Variants in SPRED2 observed in about 807,000 individuals in gnomAD.
SPRED2 encodes the protein sprouty related EVH1 domain containing 2.
A neutral mutation model predicts 43.0 loss-of-function variants in SPRED2; 47 were observed. That is an observed-to-expected ratio of 1.09 (90% CI 0.87 to 1.40). SPRED2 has a LOEUF of 1.40. Ranked by LOEUF, SPRED2 falls within the 40% of genes most tolerant of loss-of-function variation. The probability of loss-of-function intolerance (pLI) is 0.00; values close to 1 mark genes in which losing one functional copy is unlikely to be tolerated. For synonymous variants in SPRED2, 225 were observed against 225.7 expected, an observed-to-expected ratio of 1.00 and a Z score of 0.03; for missense variants, 561 against 586.4, an observed-to-expected ratio of 0.96 and a Z score of 0.45.
chr2:65,331,460 C>G (rs755154618), intron 4 of SPRED2, among the ~76,000 whole-genome samples: 2 of 152,174 alleles, frequency 1.3e-5, no homozygotes, highest in African/African-American at 2.4e-5. Flanking sequence ...AAACCCTTTC[C>G]TGCGTTAGCA....
intron 4 of SPRED2, among the ~76,000 whole-genome samples, chr2:65,323,989 G>A (rs956296183): frequency 5.9e-5 from 9 of 151,764 alleles, no homozygotes; most frequent in African/African-American, 2.2e-4. Flanking sequence ...CACGTGGCAC[G>A]GGAAGAGGCA....
At chr2:65,374,473 C>T (rs1267106281) in intron 1 of SPRED2, among the ~76,000 whole-genome samples, 1 of 152,224 alleles carries the variant, frequency 6.6e-6, no homozygotes, top group Non-Finnish European at 1.5e-5. Flanking sequence ...ATTCTAAACT[C>T]ATTGTTCCTT....
chr2:65,407,678 G>C (rs1185239907), intron 1 of SPRED2, among the ~76,000 whole-genome samples: 1 of 152,084 alleles, frequency 6.6e-6, no homozygotes. Flanking sequence ...TCCTCAGCTG[G>C]ATCACTTGTC....
At chr2:65,351,984 T>G (rs924582537) in intron 1 of SPRED2, among the ~76,000 whole-genome samples, 1 of 152,242 alleles carries the variant, frequency 6.6e-6, no homozygotes, top group Non-Finnish European at 1.5e-5. Flanking sequence ...CATGATTTTC[T>G]GCTCTGTACA....
intron 5 of SPRED2, among the ~76,000 whole-genome samples, chr2:65,315,849 G>A (rs546437250): frequency 3.3e-5 from 5 of 152,188 alleles, no homozygotes; most frequent in East Asian, 1.9e-4. Context: ...TAGTAGACAC[G>A]GGGTTTCACC....
intron 1 of SPRED2, among the ~76,000 whole-genome samples, chr2:65,368,732 TAAAC>T (rs1675046007): frequency 6.6e-6 from 1 of 152,188 alleles, no homozygotes; most frequent in Admixed American, 6.5e-5. Flanking sequence ...AAAATAAACT[TAAAC>T]ATTCACAAAC....
At chr2:65,429,458 T>C (rs767407838) in intron 1 of SPRED2, among the ~76,000 whole-genome samples, 6 of 152,156 alleles carry the variant, frequency 3.9e-5, no homozygotes, top group African/African-American at 9.7e-5. Context: ...TAACCAAATA[T>C]GGCTACCTTA....
chr2:65,332,929 A>G (rs1673856241), intron 3 of SPRED2, among the ~76,000 whole-genome samples: 1 of 152,222 alleles, frequency 6.6e-6, no homozygotes, highest in Admixed American at 6.5e-5. Context: ...TTTATTCTCT[A>G]TCTTTTCCTT....
rs530536013 is a variant in SPRED2, at chr2:65,351,271, G to A, written c.27-6375C>T. Among the ~76,000 whole-genome samples the A allele has an allele frequency of 6.8e-4, 103 of 152,268 alleles. 1 individual carries two copies. The highest frequency in any genetic ancestry group is 2.4e-3 in the African/African-American group (101 of 41,554). On this transcript the variant is annotated intron_variant, in intron 1 of 5. Coordinates refer to ENST00000356388, the MANE Select transcript of SPRED2 (RefSeq NM_181784.3). ...GACCAGGTTTAGTCGTCCACTGCAG[G>A]CATACCTGTAGAAGAAAATAATGCT... is the stretch of plus-strand genomic sequence containing the variant.
chr2:65,377,777 G>C (rs34928603), intron 1 of SPRED2: 53,930 of 461,380 alleles, frequency 0.12, 4,599 homozygotes, highest in Non-Finnish European at 0.16. Flanking sequence ...CTGTCAAAGC[G>C]GCAGTCCTCA....
chr2:65,423,915 G>A (rs1030619157), intron 1 of SPRED2, among the ~76,000 whole-genome samples: 7 of 151,900 alleles, frequency 4.6e-5, no homozygotes, highest in South Asian at 2.1e-4. Context: ...CCAGCCTCCC[G>A]AGTAGCTGGG....
intron 4 of SPRED2, among the ~76,000 whole-genome samples, chr2:65,318,143 GT>G (rs1293665165): frequency 6.6e-6 from 1 of 152,090 alleles, no homozygotes; most frequent in Admixed American, 6.5e-5. Context: ...AAAAAGAGGT[GT>G]TCCCCTGCAC....
intron 1 of SPRED2, among the ~76,000 whole-genome samples, chr2:65,386,159 CCT>C (rs1553424827): frequency 6.6e-6 from 1 of 151,908 alleles, no homozygotes; most frequent in Non-Finnish European, 1.5e-5. Context: ...GTAGCGGGTG[CCT>C]ATAATCCTAG....
chr2:65,425,434 G>C (rs2103810333), intron 1 of SPRED2, among the ~76,000 whole-genome samples: 1 of 152,282 alleles, frequency 6.6e-6, no homozygotes. Context: ...GAGAGTAGCA[G>C]GAAGAACATA....
At chr2:65,359,300 T>C (rs1674740543) in intron 1 of SPRED2, among the ~76,000 whole-genome samples, 1 of 152,224 alleles carries the variant, frequency 6.6e-6, no homozygotes, top group African/African-American at 2.4e-5. Context: ...ATAAAAGAAC[T>C]AGGCAGCAAG....
rs1012936849 is a variant in SPRED2, at chr2:65,311,080, T to C, written c.*2421A>G. On this transcript the variant is annotated 3_prime_UTR_variant, in exon 6 of 6. Transcript: ENST00000356388. ...TGCTTCAGGCACTTTAATTTGTTAA[T>C]GTGAGCAAATAGCTTGGGGGGTCGG... The C allele has an allele frequency of 1.0e-6, 1 of 985,574 alleles. No individual in the cohort carries two copies. The highest frequency in any genetic ancestry group is 1.2e-6 in the Non-Finnish European group (1 of 829,796). 61.1% of individuals were successfully genotyped at this position (985,574 alleles called of 1,614,324 possible). A position where few individuals can be genotyped will look rare whatever the true frequency, so the allele number is the denominator to read the frequency against.
intron 1 of SPRED2, among the ~76,000 whole-genome samples, chr2:65,346,302 C>T (rs771334834): frequency 1.5e-4 from 23 of 152,124 alleles, no homozygotes; most frequent in Non-Finnish European, 2.5e-4. Flanking sequence ...TTTACTTCCT[C>T]ATCCCCTTCT....
intron 2 of SPRED2, among the ~76,000 whole-genome samples, chr2:65,339,718 A>T (rs1268761433): frequency 2.0e-5 from 2 of 97,666 alleles, no homozygotes; most frequent in Non-Finnish European, 3.9e-5. Flanking sequence ...ATAAAATAAA[A>T]TTAAAAAAAA....
At chr2:65,421,018 C>T (rs996887540) in intron 1 of SPRED2, among the ~76,000 whole-genome samples, 6 of 152,184 alleles carry the variant, frequency 3.9e-5, no homozygotes, top group African/African-American at 1.2e-4. Context: ...CTTCCCAGGG[C>T]GGCAGCCTTT....
Sources: gnomAD v4.1 joint callset for allele counts (sites outside exome capture counted in the v4.1 genomes callset) on GRCh38, gnomAD v4.1.1 for gene constraint, MANE v1.5 for transcripts, NCBI Gene and HGNC (gene_info 2026-07-23, HGNC 2026-07-21) for gene names.